Variants in POLI observed in about 807,000 individuals in gnomAD.
POLI encodes the protein RAD30 homolog B.
In POLI, 58 loss-of-function variants were observed where a neutral mutation model predicts 51.6. That is an observed-to-expected ratio of 1.12 (90% CI 0.91 to 1.40). The LOEUF (loss-of-function observed/expected upper bound fraction) is 1.40. Ranked by LOEUF, POLI falls within the 40% of genes most tolerant of loss-of-function variation. The pLI, the probability that POLI is intolerant of heterozygous loss-of-function variation, is 0.00. For missense variants in POLI, 921 were observed against 871.3 expected (o/e 1.06, Z -0.72); for synonymous variants, 322 against 299.7 (o/e 1.07, Z -0.77).
intron 3 of POLI, among the ~76,000 whole-genome samples, chr18:54,276,127 C>T (rs1211494818): frequency 6.6e-6 from 1 of 151,900 alleles, no homozygotes; most frequent in African/African-American, 2.4e-5. Context: ...GCCTGTAATC[C>T]CAACACTTTG....
chr18:54,279,923 T>A (rs1412731349), intron 4 of POLI, among the ~76,000 whole-genome samples: 4 of 152,242 alleles, frequency 2.6e-5, no homozygotes, highest in Non-Finnish European at 5.9e-5. Context: ...TATGCCTACT[T>A]ACGGGTAAAT....
rs544196178 is a variant in POLI, at chr18:54,304,770, A to G, written c.334-15503A>G. 5.9e-3 allele frequency among the ~76,000 whole-genome samples: 900 copies of G among 152,104 alleles called. 4 individuals are homozygous for G. Among genetic ancestry groups the G allele is most frequent in the African/African-American group, 0.021 (857 of 41,480 alleles). On this transcript the variant is annotated intron_variant, in intron 3 of 4. Coordinates refer to the POLI transcript ENST00000579823. ...TGCAGAAGCTCTTTAGTTTAATTAGATCCCATTTGTCAATTTTGGCTTTTG... is the reference window on the plus strand; with the variant it reads ...TGCAGAAGCTCTTTAGTTTAATTAGGTCCCATTTGTCAATTTTGGCTTTTG...
At chr18:54,283,159 T>TCC in intron 6 of POLI, 144 bp downstream of exon 6, 2 of 524,642 alleles carry the variant, frequency 3.8e-6, no homozygotes, top group Non-Finnish European at 6.7e-6. Flanking sequence ...TTATTATTAA[T>TCC]AGATTGGATT....
In POLI at chr18:54,313,704, C is replaced by T. The variant is rs188477429; in HGVS notation, c.334-6569C>T. 1.3e-4 allele frequency among the ~76,000 whole-genome samples: 20 copies of T among 152,026 alleles called. No homozygotes were observed. The East Asian group carries it at 3.5e-3, about 26-fold the overall frequency. On this transcript the variant is annotated intron_variant, in intron 3 of 4. Coordinates refer to the POLI transcript ENST00000579823. Reference sequence around the variant, plus strand: ...TATGTGTATTCCTAGGCATTTAGTTCTTTTTGTAGCTATTGTGAATGGGAT... The same window carrying T: ...TATGTGTATTCCTAGGCATTTAGTTTTTTTTGTAGCTATTGTGAATGGGAT...
chr18:54,303,746 C>T (rs1401763419), intron 3 of POLI, among the ~76,000 whole-genome samples: 2 of 151,254 alleles, frequency 1.3e-5, no homozygotes, highest in African/African-American at 2.4e-5. Flanking sequence ...CCACCTCTCT[C>T]CCAGTTCATT....
At position 54,295,859 on chromosome 18, in the gene POLI, C is replaced by T; in HGVS notation, c.*1392C>T. ...GCCAGGCTGGTCTCGAACTCCTGGT[C>T]TCAGGTGATCCTCCACCTTGGCCTC... On this transcript the variant is annotated 3_prime_UTR_variant, in exon 10 of 10. Transcript: ENST00000579534. 1.8e-6 allele frequency: 1 copy of T among 548,830 alleles called. No homozygotes were observed. Among genetic ancestry groups the T allele is most frequent in the Non-Finnish European group, 2.3e-6 (1 of 431,246 alleles). 34.0% of individuals were successfully genotyped at this position (548,830 alleles called of 1,614,324 possible). A position where few individuals can be genotyped will look rare whatever the true frequency, so the allele number is the denominator to read the frequency against.
intron 3 of POLI, among the ~76,000 whole-genome samples, chr18:54,310,524 C>T (rs2088656666): frequency 6.7e-6 from 1 of 149,458 alleles, no homozygotes; most frequent in African/African-American, 2.5e-5. Context: ...CTCTGCATTT[C>T]AGCCTTGTTT....
downstream of POLI, among the ~76,000 whole-genome samples, chr18:54,299,638 T>C (rs955896902): frequency 1.3e-5 from 2 of 152,088 alleles, no homozygotes; most frequent in East Asian, 3.9e-4. Context: ...TGAGACAACT[T>C]CAGGCAGGCT....
At chr18:54,307,681 G>T (rs1267790564) in intron 3 of POLI, among the ~76,000 whole-genome samples, 2 of 152,122 alleles carry the variant, frequency 1.3e-5, no homozygotes, top group Non-Finnish European at 2.9e-5. Context: ...ATTGACAGTG[G>T]GGTGTTAAAG....
intron 3 of POLI, among the ~76,000 whole-genome samples, chr18:54,313,407 CT>C (rs1455911279): frequency 6.6e-6 from 1 of 151,976 alleles, no homozygotes; most frequent in African/African-American, 2.4e-5. Flanking sequence ...CAGCTTTGTT[CT>C]TTTTGCTTAG....
intron 8 of POLI, among the ~76,000 whole-genome samples, chr18:54,289,359 G>T (rs2087890911): frequency 6.6e-6 from 1 of 152,052 alleles, no homozygotes; most frequent in East Asian, 1.9e-4. Flanking sequence ...AAGTGTATGG[G>T]TTGGAGAGGG....
intron 8 of POLI, 151 bp downstream of exon 8, chr18:54,287,562 A>C: frequency 1.8e-6 from 1 of 561,552 alleles, no homozygotes; most frequent in East Asian, 3.1e-5. Context: ...TTTCACTGGA[A>C]AACTTTGTTG....
chr18:54,273,658 A>G (rs559375028), intron 2 of POLI, among the ~76,000 whole-genome samples: 8 of 152,180 alleles, frequency 5.3e-5, no homozygotes, highest in Non-Finnish European at 1.0e-4. Flanking sequence ...CTTCAAGGAG[A>G]CAAAACAACT....
At chr18:54,315,090 A>G (rs796493056) in intron 3 of POLI, among the ~76,000 whole-genome samples, 14 of 152,224 alleles carry the variant, frequency 9.2e-5, no homozygotes, top group African/African-American at 3.4e-4. Context: ...ACATTGATGT[A>G]GGCATCTAGT....
At chr18:54,301,597 T>A (rs561603614), downstream of POLI, among the ~76,000 whole-genome samples, 8 of 152,310 alleles carry the variant, frequency 5.3e-5, no homozygotes, top group South Asian at 1.7e-3. Flanking sequence ...CATATGCATA[T>A]AATAATCAAT....
At position 54,279,440 on chromosome 18, in the gene POLI, A is replaced by G. The variant is rs149113762; in HGVS notation, c.560-1227A>G. 5.9e-5 allele frequency among the ~76,000 whole-genome samples: 9 copies of G among 152,026 alleles called. No individual in the cohort carries two copies. The East Asian group carries it at 1.7e-3, about 29-fold the overall frequency. On this transcript the variant is annotated intron_variant, in intron 4 of 9. Transcript: ENST00000579534. Reference sequence around the variant, plus strand: ...TTATTTTTAGTAGAGACGGGGTTTCACCATGTTGGCCAGGCTGGTCTTGAA... The same window carrying G: ...TTATTTTTAGTAGAGACGGGGTTTCGCCATGTTGGCCAGGCTGGTCTTGAA...
intron 3 of POLI, 74 bp downstream of exon 3, chr18:54,274,164 A>G (rs1213806068): frequency 4.3e-6 from 3 of 700,116 alleles, no homozygotes; most frequent in Non-Finnish European, 6.2e-6. Flanking sequence ...GAATTTTTTA[A>G]TAAATGTAAA....
At chr18:54,309,411 C>T (rs1423993087) in intron 3 of POLI, among the ~76,000 whole-genome samples, 3 of 152,172 alleles carry the variant, frequency 2.0e-5, no homozygotes, top group South Asian at 2.1e-4. Flanking sequence ...GTATCACCAG[C>T]GGAGGCTGCA....
chr18:54,269,799 C>G, intron 1 of POLI, 138 bp downstream of exon 1: 3 of 1,374,616 alleles, frequency 2.2e-6, no homozygotes, highest in Non-Finnish European at 2.8e-6. Context: ...GGCTGCCTCC[C>G]TCTGCCTTGT....
Sources: gnomAD v4.1 joint callset for allele counts (sites outside exome capture counted in the v4.1 genomes callset) on GRCh38, gnomAD v4.1.1 for gene constraint, MANE v1.5 for transcripts, NCBI Gene and HGNC (gene_info 2026-07-23, HGNC 2026-07-21) for gene names.